FNIP2: variants seen among roughly 807,000 people sequenced by gnomAD.
The protein encoded by FNIP2 is folliculin-interacting protein 2.
In FNIP2, 32 loss-of-function variants were observed where a neutral mutation model predicts 108.7. The observed-to-expected ratio is 0.29, with a 90% CI of 0.22 to 0.40. FNIP2 has a LOEUF of 0.40. Among genes scored for constraint, FNIP2 ranks in the 10% least tolerant of loss-of-function variants. The probability of loss-of-function intolerance (pLI) is 1.00; values close to 1 mark genes in which losing one functional copy is unlikely to be tolerated. For synonymous variants in FNIP2, 480 were observed against 496.7 expected (o/e 0.97, Z 0.45); for missense variants, 1,202 against 1,381.6 (o/e 0.87, Z 2.06).
chr4:158,789,304 AGT>A (rs58194510), intron 1 of FNIP2, among the ~76,000 whole-genome samples: 51,577 of 151,938 alleles, frequency 0.34, 9,087 homozygotes, highest in Middle Eastern at 0.41. Context: ...CTCTAAAAGC[AGT>A]GTGTGTGTGT....
chr4:158,853,931 T>G (rs192755450), intron 8 of FNIP2, among the ~76,000 whole-genome samples: 4 of 152,366 alleles, frequency 2.6e-5, no homozygotes, highest in Non-Finnish European at 4.4e-5. Context: ...TTATGCATTC[T>G]ATCACTGTGT....
intron 15 of FNIP2, among the ~76,000 whole-genome samples, chr4:158,895,440 T>TA (rs1388584592): frequency 6.6e-6 from 1 of 152,238 alleles, no homozygotes; most frequent in East Asian, 1.9e-4. Context: ...AAAGGATTAT[T>TA]ATAAAGTTTT....
chr4:158,801,230 A>G (rs1162762659), intron 1 of FNIP2, among the ~76,000 whole-genome samples: 2 of 152,146 alleles, frequency 1.3e-5, no homozygotes, highest in Non-Finnish European at 2.9e-5. Flanking sequence ...GCTTCTGCAC[A>G]GGAATTGTTT....
At chr4:158,853,457 A>T (rs1779810412) in intron 8 of FNIP2, among the ~76,000 whole-genome samples, 1 of 152,196 alleles carries the variant, frequency 6.6e-6, no homozygotes, top group Non-Finnish European at 1.5e-5. Flanking sequence ...TACATGTGCC[A>T]TGTTGGTGTG....
chr4:158,842,709 A>T, intron 7 of FNIP2, among the ~76,000 whole-genome samples: 1 of 152,032 alleles, frequency 6.6e-6, no homozygotes, highest in East Asian at 1.9e-4. Flanking sequence ...CTTTGTATAA[A>T]TTTTTTTTAA....
intron 12 of FNIP2, among the ~76,000 whole-genome samples, chr4:158,864,425 CTG>C (rs1780465778): frequency 2.0e-5 from 3 of 152,266 alleles, no homozygotes; most frequent in Admixed American, 6.5e-5. Flanking sequence ...ATAAGTTAAA[CTG>C]TGTAGGGTAT....
chr4:158,774,379 A>G (rs1277482983), intron 1 of FNIP2, among the ~76,000 whole-genome samples: 1 of 152,096 alleles, frequency 6.6e-6, no homozygotes, highest in Non-Finnish European at 1.5e-5. Context: ...TAAATATTCT[A>G]GATTATTTAA....
intron 14 of FNIP2, chr4:158,871,628 AG>A: frequency 1.0e-6 from 1 of 985,394 alleles, no homozygotes; most frequent in Non-Finnish European, 1.2e-6. Context: ...AAGCCAGCCC[AG>A]TGTACACGTG....
chr4:158,824,226 C>G (rs1778034086), intron 1 of FNIP2, among the ~76,000 whole-genome samples: 1 of 152,194 alleles, frequency 6.6e-6, no homozygotes, highest in Non-Finnish European at 1.5e-5. Flanking sequence ...GTGTGAGGCA[C>G]TTTACGCTTT....
In FNIP2 at chr4:158,847,982, G is replaced by A. The variant is rs79528659; in HGVS notation, c.728-3339G>A. 3.3e-5 allele frequency among the ~76,000 whole-genome samples: 5 copies of A among 152,336 alleles called. No individual in the cohort carries two copies. The East Asian group carries it at 7.7e-4, about 23-fold the overall frequency. ...CTTGGGTGCCAGCCCAGCTGCAGCA[G>A]AACAGAGCATCAGGTAGATTCGTAA... On this transcript the variant is annotated intron_variant, in intron 7 of 16. Transcript: ENST00000264433.
chr4:158,783,399 A>G (rs1237018750), intron 1 of FNIP2, among the ~76,000 whole-genome samples: 1 of 152,250 alleles, frequency 6.6e-6, no homozygotes, highest in Non-Finnish European at 1.5e-5. Flanking sequence ...GGTTTACCTC[A>G]GAGATGTTTT....
intron 14 of FNIP2, among the ~76,000 whole-genome samples, chr4:158,887,716 G>A (rs1782088894): frequency 1.0e-5 from 1 of 97,554 alleles, no homozygotes; most frequent in African/African-American, 4.2e-5. Flanking sequence ...CAGCCTGGGT[G>A]ACAAAGTGAG....
At chr4:158,850,839 A>G (rs1779657754) in intron 7 of FNIP2, among the ~76,000 whole-genome samples, 1 of 151,940 alleles carries the variant, frequency 6.6e-6, no homozygotes, top group Non-Finnish European at 1.5e-5. Flanking sequence ...CCATTTTAGT[A>G]GAAATCTGCA....
rs771982387 is a variant in FNIP2, at chr4:158,868,364, C to T, written c.1728C>T (p.Pro576=). ...EYVVITVRNE[P]ALVPPILPPT... is the part of the protein sequence containing the mutation. ...TGGTCATTACGGTGAGGAACGAGCCCGCTCTTGTACCCCCCATCCTACCAC... is the reference window on the plus strand; with the variant it reads ...TGGTCATTACGGTGAGGAACGAGCCTGCTCTTGTACCCCCCATCCTACCAC... Residue 576 remains proline, a synonymous_variant, in exon 13 of 17, where the codon CCC becomes CCT. Coordinates refer to ENST00000264433, the MANE Select transcript of FNIP2 (RefSeq NM_020840.3). The surrounding 1 kb of genome is among the most constrained non-coding windows in gnomAD (Gnocchi z 4.6). 6 of 1,613,962 alleles carry T rather than the reference C, an allele frequency of 3.7e-6. No individual in the cohort carries two copies. Among genetic ancestry groups the T allele is most frequent in the Admixed American group, 1.7e-5 (1 of 60,018 alleles).
chr4:158,862,026 G>T (rs1780328713), intron 12 of FNIP2, among the ~76,000 whole-genome samples: 2 of 152,154 alleles, frequency 1.3e-5, no homozygotes, highest in Non-Finnish European at 2.9e-5. Context: ...ATTCCACAGT[G>T]GCTGTTCACC....
chr4:158,796,232 T>C (rs1776587161), intron 1 of FNIP2, among the ~76,000 whole-genome samples: 5 of 152,292 alleles, frequency 3.3e-5, no homozygotes, highest in Admixed American at 3.3e-4. Context: ...CTTAGAGGAT[T>C]CAGCTTGTAA....
Position 158,859,106 on chromosome 4 carries a change from C to G in FNIP2, c.907C>G (p.Pro303Ala). ...GGCTGAAGAAACCTGTAGCTCTAATCCAGCTATGGTTAGGAGGAAGAAAAT... is the reference window on the plus strand; with the variant it reads ...GGCTGAAGAAACCTGTAGCTCTAATGCAGCTATGGTTAGGAGGAAGAAAAT... Reference protein sequence around the residue: ...SLAEETCSSNPAMVRRKKIAI... With the variant: ...SLAEETCSSNAAMVRRKKIAI... The change falls in exon 9 of 17, where the codon CCA becomes GCA. Residue 303 changes from proline (P) to alanine (A), a missense_variant. Coordinates refer to ENST00000264433, the MANE Select transcript of FNIP2 (RefSeq NM_020840.3). 1 of 1,613,942 alleles carries G rather than the reference C, an allele frequency of 6.2e-7. No homozygotes were observed. Among genetic ancestry groups the G allele is most frequent in the Non-Finnish European group, 8.5e-7 (1 of 1,179,856 alleles).
At chr4:158,812,095 GAT>G (rs1315812614) in intron 1 of FNIP2, among the ~76,000 whole-genome samples, 2 of 152,194 alleles carry the variant, frequency 1.3e-5, no homozygotes, top group Non-Finnish European at 2.9e-5. Context: ...TGCACACTGT[GAT>G]ATGAGAGGGA....
chr4:158,847,164 G>C (rs560472522), intron 7 of FNIP2, among the ~76,000 whole-genome samples: 8 of 152,188 alleles, frequency 5.3e-5, no homozygotes, highest in Admixed American at 2.0e-4. Context: ...AACTTGAAAG[G>C]CTGTCTAGAC....
Sources: gnomAD v4.1 joint callset for allele counts (sites outside exome capture counted in the v4.1 genomes callset) on GRCh38, gnomAD v4.1.1 for gene constraint, Gnocchi (gnomAD v3.1) non-coding constraint, MANE v1.5 for transcripts, NCBI Gene and HGNC (gene_info 2026-07-23, HGNC 2026-07-21) for gene names.